The following PTPRD variants were observed in gnomAD, a reference collection of about 807,000 sequenced individuals.
PTPRD encodes receptor-type tyrosine-protein phosphatase delta.
Under a neutral mutation model 214.5 loss-of-function variants are expected in PTPRD, and 34 were observed. That is an observed-to-expected ratio of 0.16 (90% confidence interval 0.12 to 0.21). The LOEUF is 0.21. PTPRD is among the 10% of genes least tolerant of loss of function. PTPRD has a pLI of 1.00. For missense variants in PTPRD, 2,545 were observed against 2,398.7 expected, an observed-to-expected ratio of 1.06 and a Z score of -1.27; for synonymous variants, 1,128 against 845.7, an observed-to-expected ratio of 1.33 and a Z score of -5.79.
chr9:8,373,880 A>G (rs747043813), intron 39 of PTPRD, among the ~76,000 whole-genome samples: 1,166 of 80,212 alleles, frequency 0.015, 15 homozygotes, highest in African/African-American at 0.068. Context: ...CTATCTATCT[A>G]TCTATCTATC....
At chr9:9,648,774 T>C (rs78789050) in intron 7 of PTPRD, among the ~76,000 whole-genome samples, 4,722 of 152,262 alleles carry the variant, frequency 0.031, 237 homozygotes, top group African/African-American at 0.11. Flanking sequence ...TTATATTGTA[T>C]TGTGTACTTT....
intron 2 of PTPRD, among the ~76,000 whole-genome samples, chr9:10,431,382 C>T (rs866034117): frequency 6.0e-4 from 91 of 152,120 alleles, no homozygotes; most frequent in African/African-American, 2.1e-3. Flanking sequence ...TGGGCAAGGA[C>T]TTCATGTCTA....
At chr9:8,417,338 T>A (rs1451513803) in intron 35 of PTPRD, among the ~76,000 whole-genome samples, 2 of 151,964 alleles carry the variant, frequency 1.3e-5, no homozygotes, top group Admixed American at 1.3e-4. Flanking sequence ...CACCATAAAT[T>A]CTGCGGGAAA....
At chr9:8,664,370 C>T (rs2097129016) in intron 12 of PTPRD, among the ~76,000 whole-genome samples, 1 of 152,138 alleles carries the variant, frequency 6.6e-6, no homozygotes, top group Non-Finnish European at 1.5e-5. Context: ...GGACATTTTC[C>T]TATAGAGAAC....
intron 11 of PTPRD, among the ~76,000 whole-genome samples, chr9:8,844,573 C>G (rs1228536883): frequency 6.6e-6 from 1 of 152,124 alleles, no homozygotes; most frequent in Non-Finnish European, 1.5e-5. Context: ...TAGAAACTAA[C>G]CATCTGTACA....
intron 2 of PTPRD, among the ~76,000 whole-genome samples, chr9:10,545,013 T>C (rs2130823064): frequency 6.6e-6 from 1 of 152,342 alleles, no homozygotes; most frequent in South Asian, 2.1e-4. Context: ...TTTATAAGTT[T>C]AAGTTTTAGA....
intron 7 of PTPRD, among the ~76,000 whole-genome samples, chr9:9,701,751 C>G (rs774662523): frequency 4.0e-5 from 6 of 151,884 alleles, no homozygotes; most frequent in Non-Finnish European, 8.8e-5. Flanking sequence ...GCTATTAATA[C>G]AATTTGGGAG....
At chr9:9,669,399 G>C (rs2154385369) in intron 7 of PTPRD, among the ~76,000 whole-genome samples, 1 of 152,228 alleles carries the variant, frequency 6.6e-6, no homozygotes, top group African/African-American at 2.4e-5. Flanking sequence ...CTAGGAAATT[G>C]ATATTATTGA....
intron 7 of PTPRD, among the ~76,000 whole-genome samples, chr9:9,664,174 C>T (rs920909890): frequency 1.3e-5 from 2 of 149,178 alleles, no homozygotes; most frequent in South Asian, 2.1e-4. Flanking sequence ...CACAGCCTGG[C>T]TTTAAAATTA....
chr9:9,050,160 C>T (rs891978072), intron 10 of PTPRD, among the ~76,000 whole-genome samples: 1 of 152,212 alleles, frequency 6.6e-6, no homozygotes, highest in African/African-American at 2.4e-5. Flanking sequence ...TGTCCTGCCA[C>T]AGGACAGAGG....
intron 11 of PTPRD, among the ~76,000 whole-genome samples, chr9:8,879,390 C>A (rs1471656597): frequency 6.6e-6 from 1 of 152,038 alleles, no homozygotes; most frequent in Non-Finnish European, 1.5e-5. Context: ...TTTTTTCATT[C>A]ATTCATTCAT....
intron 7 of PTPRD, among the ~76,000 whole-genome samples, chr9:9,676,155 T>C (rs1412157717): frequency 2.6e-5 from 4 of 152,162 alleles, no homozygotes; most frequent in Non-Finnish European, 5.9e-5. Context: ...CTTTAAGTTT[T>C]AGGGTACATG....
intron 21 of PTPRD, among the ~76,000 whole-genome samples, chr9:8,514,736 T>C (rs1294368723): frequency 2.0e-5 from 3 of 152,096 alleles, no homozygotes; most frequent in East Asian, 1.9e-4. Flanking sequence ...ATTAAGCAAA[T>C]TATTAATTTA....
intron 12 of PTPRD, among the ~76,000 whole-genome samples, chr9:8,671,861 T>C (rs1052836844): frequency 6.6e-6 from 1 of 152,204 alleles, no homozygotes; most frequent in Non-Finnish European, 1.5e-5. Flanking sequence ...CTATTTGTCC[T>C]GAATCCTTTG....
At chr9:8,538,498 T>C (rs2077493701) in intron 14 of PTPRD, among the ~76,000 whole-genome samples, 1 of 151,778 alleles carries the variant, frequency 6.6e-6, no homozygotes, top group Admixed American at 6.6e-5. Context: ...AATATAAGTA[T>C]ATATGAATAA....
chr9:8,807,023 A>G (rs1018783862), intron 11 of PTPRD, among the ~76,000 whole-genome samples: 1 of 152,160 alleles, frequency 6.6e-6, no homozygotes, highest in Admixed American at 6.6e-5. Flanking sequence ...TGTTAAGAGA[A>G]TAGCTGCTGA....
At chr9:10,112,266 T>C (rs1297914324) in intron 3 of PTPRD, among the ~76,000 whole-genome samples, 1 of 152,200 alleles carries the variant, frequency 6.6e-6, no homozygotes, top group Non-Finnish European at 1.5e-5. Context: ...CAGGGTTTCT[T>C]GGAGCATGTG....
chr9:10,005,155 G>T (rs7034072), intron 4 of PTPRD, among the ~76,000 whole-genome samples: 134,711 of 152,044 alleles, frequency 0.89, 60,375 homozygotes, highest in African/African-American at 0.97. Flanking sequence ...ATAACCTTTG[G>T]GCGATTATAA....
At chr9:8,922,990 T>C (rs1217299600) in intron 11 of PTPRD, among the ~76,000 whole-genome samples, 3 of 150,442 alleles carry the variant, frequency 2.0e-5, no homozygotes, top group Admixed American at 2.0e-4. Context: ...TTTTCTTCTC[T>C]CGTTTCTTTT....
Sources: allele counts gnomAD v4.1 joint callset (sites outside exome capture counted in the v4.1 genomes callset), GRCh38; gene constraint gnomAD v4.1.1; transcripts MANE v1.5; gene names NCBI Gene and HGNC (gene_info 2026-07-23, HGNC 2026-07-21).